COL4A3: variants seen among roughly 807,000 people sequenced by gnomAD.
COL4A3 encodes collagen type IV alpha 3 chain.
COL4A3 carries 135 observed loss-of-function variants against 217.4 expected under a neutral mutation model. The observed-to-expected ratio is 0.62, with a 90% CI of 0.54 to 0.72. The LOEUF is 0.72. COL4A3 is among the 30% of genes least tolerant of loss of function. The pLI is 0.00. For missense variants in COL4A3, 1,868 were observed against 2,119.9 expected, an observed-to-expected ratio of 0.88 and a Z score of 2.33; for synonymous variants, 690 against 736.3, an observed-to-expected ratio of 0.94 and a Z score of 1.02.
At chr2:227,286,729 T>C (rs1468587653) in intron 34 of COL4A3, among the ~76,000 whole-genome samples, 1 of 152,208 alleles carries the variant, frequency 6.6e-6, no homozygotes, top group Non-Finnish European at 1.5e-5. Flanking sequence ...AAAAGAGGAC[T>C]TAAATGTTGA....
At chr2:227,305,534 TG>T in intron 47 of COL4A3, 1 of 162,498 alleles carries the variant, frequency 6.2e-6, no homozygotes, top group Non-Finnish European at 1.4e-5. Context: ...TTCTTCATGG[TG>T]GTGGGTGCCT....
chr2:227,205,104 T>A (rs968908277), intron 1 of COL4A3, among the ~76,000 whole-genome samples: 7 of 152,206 alleles, frequency 4.6e-5, no homozygotes, highest in Non-Finnish European at 7.3e-5. Flanking sequence ...TACAAAAAAA[T>A]TAGCATACTT....
chr2:227,259,926 T>C, intron 19 of COL4A3, 49 bp downstream of exon 19: 1 of 1,363,550 alleles, frequency 7.3e-7, no homozygotes, highest in Non-Finnish European at 1.1e-6. Flanking sequence ...ATTTCTGGCT[T>C]TCTTTCAAGG....
intron 9 of COL4A3, among the ~76,000 whole-genome samples, chr2:227,249,231 T>TATATATATATATATATA (rs71036175): frequency 4.1e-4 from 8 of 19,492 alleles, no homozygotes; most frequent in Admixed American, 1.1e-3. Context: ...TATATATATA[T>TATATATATATATATATA]TTTTTTTTTT....
At chr2:227,248,970 T>C (rs2069531367) in intron 9 of COL4A3, among the ~76,000 whole-genome samples, 1 of 151,562 alleles carries the variant, frequency 6.6e-6, no homozygotes, top group African/African-American at 2.4e-5. Flanking sequence ...CTCTCTCCAG[T>C]TGAAGTTGAG....
chr2:227,175,016 G>C (rs1045584038), intron 1 of COL4A3, among the ~76,000 whole-genome samples: 1 of 152,196 alleles, frequency 6.6e-6, no homozygotes, highest in Non-Finnish European at 1.5e-5. Flanking sequence ...TGGTGATGGA[G>C]AAGGAGACTT....
intron 16 of COL4A3, 78 bp downstream of exon 16, chr2:227,256,148 A>C: frequency 7.1e-7 from 1 of 1,416,010 alleles, no homozygotes. Context: ...TAAAATCACT[A>C]AATAGTTATA....
intron 1 of COL4A3, among the ~76,000 whole-genome samples, chr2:227,193,867 A>G (rs1337192099): frequency 4.8e-5 from 1 of 20,696 alleles, no homozygotes; most frequent in South Asian, 2.6e-3. Context: ...GAGAAGGGAA[A>G]TAAGGAGAGA....
At position 227,191,065 on chromosome 2, in the gene COL4A3, AT is replaced by A. The variant is rs2125701291; in HGVS notation, c.87+26256del. On this transcript the variant is annotated intron_variant, in intron 1 of 51. Transcript: ENST00000396578. This position sits in a 1 kb window ranked among gnomAD's most constrained non-coding sequence, Gnocchi z 6.8. ...AGATGCAAAGGTTATTATATATGAA[AT>A]TTTATGTCTTTTTTCTCTTAAAAAT... is the stretch of plus-strand genomic sequence containing the variant. Among the ~76,000 whole-genome samples, 1 of 152,308 alleles carries A rather than the reference AT, an allele frequency of 6.6e-6. No individual in the cohort carries two copies. Among genetic ancestry groups the A allele is most frequent in the Admixed American group, 6.5e-5 (1 of 15,300 alleles).
Position 227,170,371 on chromosome 2 carries a change from A to C in COL4A3, c.87+5558A>C, listed in dbSNP as rs557224700. Among the ~76,000 whole-genome samples, 75 of 152,096 alleles carry C rather than the reference A, an allele frequency of 4.9e-4. 2 individuals are homozygous for C. The highest frequency in any genetic ancestry group is 1.8e-3 in the African/African-American group (74 of 41,468). On this transcript the variant is annotated intron_variant, in intron 1 of 51. Transcript: ENST00000396578. ...TGCTACTGATAATGACATACCCAAG[A>C]CTCGATAATTTATGAAGAAAAAGAG...
At chr2:227,197,724 G>A (rs1293244023) in intron 1 of COL4A3, among the ~76,000 whole-genome samples, 2 of 152,220 alleles carry the variant, frequency 1.3e-5, no homozygotes. Context: ...TGGAAAAGTG[G>A]AAATGGAAAC....
intron 1 of COL4A3, among the ~76,000 whole-genome samples, chr2:227,231,329 G>A (rs1310921786): frequency 2.0e-5 from 3 of 152,058 alleles, no homozygotes; most frequent in African/African-American, 7.2e-5. Context: ...ACCAGCACAT[G>A]TCTGCTATAC....
At chr2:227,233,313 C>T (rs1240594970) in intron 1 of COL4A3, among the ~76,000 whole-genome samples, 1 of 149,094 alleles carries the variant, frequency 6.7e-6, no homozygotes, top group Non-Finnish European at 1.5e-5. Context: ...ATGCCTGGCC[C>T]CTACAAGCAA....
intron 11 of COL4A3, among the ~76,000 whole-genome samples, chr2:227,252,061 A>T (rs2069776279): frequency 8.6e-6 from 1 of 116,900 alleles, no homozygotes; most frequent in African/African-American, 3.6e-5. Context: ...AGAAAGAGGC[A>T]CCATCTCAAA....
Position 227,279,784 on chromosome 2 carries a change from T to C in COL4A3, c.2126-9T>C. 6.3e-7 allele frequency: 1 copy of C among 1,587,870 alleles called. No homozygotes were observed. Among genetic ancestry groups the C allele is most frequent in the Non-Finnish European group, 8.6e-7 (1 of 1,161,970 alleles). On this transcript the variant is annotated splice_polypyrimidine_tract_variant and intron_variant, in intron 28 of 51. Coordinates refer to ENST00000396578, the MANE Select transcript of COL4A3 (RefSeq NM_000091.5). ...TCCTACAACAATGTTTATTGTTTTT[T>C]CTCTGTAGGAGACCAAGGTTTTCCA...
chr2:227,176,595 C>A (rs2065683093), intron 1 of COL4A3, among the ~76,000 whole-genome samples: 1 of 152,160 alleles, frequency 6.6e-6, no homozygotes, highest in African/African-American at 2.4e-5. Context: ...AAACTGGTTT[C>A]TTAGAGAAGT....
chr2:227,310,753 T>C (rs889878578), intron 50 of COL4A3, 23 bp from the exon 51 acceptor site: 1 of 1,611,012 alleles, frequency 6.2e-7, no homozygotes, highest in South Asian at 1.1e-5. Flanking sequence ...GAGTGTTTAT[T>C]CAGATTTTTA....
At chr2:227,192,255 G>A (rs911582014) in intron 1 of COL4A3, among the ~76,000 whole-genome samples, 2 of 152,198 alleles carry the variant, frequency 1.3e-5, no homozygotes, top group African/African-American at 4.8e-5. Flanking sequence ...CCTAGTTATA[G>A]AATTGTGAAG....
intron 16 of COL4A3, 64 bp from the exon 17 acceptor site, chr2:227,256,279 T>C: frequency 6.9e-7 from 1 of 1,459,490 alleles, no homozygotes; most frequent in East Asian, 2.3e-5. Context: ...AAATTGCACC[T>C]GCTCCCCCAG....
Sources: allele counts gnomAD v4.1 joint callset (sites outside exome capture counted in the v4.1 genomes callset), GRCh38; gene constraint gnomAD v4.1.1; non-coding constraint Gnocchi (gnomAD v3.1); transcripts MANE v1.5; gene names NCBI Gene and HGNC (gene_info 2026-07-23, HGNC 2026-07-21).